Variants in PRSS12 observed in about 807,000 individuals in gnomAD.
The protein encoded by PRSS12 is neurotrypsin.
A neutral mutation model predicts 104.4 loss-of-function variants in PRSS12; 85 were observed. The observed-to-expected ratio is 0.81, with a 90% CI of 0.68 to 0.98. The LOEUF is 0.98. Among genes scored for constraint, PRSS12 ranks in the 50% least tolerant of loss-of-function variants. The probability of loss-of-function intolerance (pLI) is 0.00; values close to 1 mark genes in which losing one functional copy is unlikely to be tolerated. For missense variants in PRSS12, 1,141 were observed against 1,139.2 expected (o/e 1.00, Z -0.02); for synonymous variants, 454 against 425.2 (o/e 1.07, Z -0.83).
At chr4:118,316,548 G>A (rs1723420385) in intron 5 of PRSS12, among the ~76,000 whole-genome samples, 1 of 152,050 alleles carries the variant, frequency 6.6e-6, no homozygotes, top group South Asian at 2.1e-4. Flanking sequence ...CCAGCTGGGT[G>A]TGGTGGCTCA....
rs1460460599 is a variant in PRSS12 at position 118,282,874 on chromosome 4, C to G, written c.2277G>C (p.Gln759His). Residue 759 changes from glutamine to histidine, a missense_variant, in exon 12 of 13, where the codon CAG becomes CAC. Gln to His is a conservative substitution (Grantham distance 24, BLOSUM62 0). Transcript: ENST00000296498. ...ACLPLWRERP[Q>H]KTASNCYITG... ...TTATGTAACAGTTGGATGCTGTTTT[C>G]TGTGGCCTCTCTCTCCAGAGTGGTA... 2 of 1,614,076 alleles carry G rather than the reference C, an allele frequency of 1.2e-6. No individual in the cohort carries two copies. The highest frequency in any genetic ancestry group is 1.7e-6 in the Non-Finnish European group (2 of 1,180,044).
At chr4:118,283,239 T>A in intron 11 of PRSS12, 128 bp from the exon 12 acceptor site, 7 of 1,184,342 alleles carry the variant, frequency 5.9e-6, no homozygotes, top group Non-Finnish European at 7.4e-6. Flanking sequence ...TCAACCTTTC[T>A]TTCCATTTAT....
chr4:118,303,118 AAGTATGTTTC>A (rs1257131771), intron 8 of PRSS12, among the ~76,000 whole-genome samples: 1 of 152,146 alleles, frequency 6.6e-6, no homozygotes, highest in Non-Finnish European at 1.5e-5. Context: ...ATTATTAAGA[AAGTATGTTTC>A]AGTATGTTTG....
At chr4:118,285,729 G>A (rs1476134251) in intron 11 of PRSS12, among the ~76,000 whole-genome samples, 1 of 151,852 alleles carries the variant, frequency 6.6e-6, no homozygotes, top group African/African-American at 2.4e-5. Flanking sequence ...TTTTCTATTA[G>A]TTACATTTTG....
Position 118,291,288 on chromosome 4 carries a change from T to C in PRSS12, c.2039+3651A>G, listed in dbSNP as rs79415729. 7.1e-3 allele frequency among the ~76,000 whole-genome samples: 1,078 copies of C among 152,164 alleles called. 17 individuals are homozygous for C. The highest frequency in any genetic ancestry group is 0.024 in the African/African-American group (989 of 41,512). On this transcript the variant is annotated intron_variant, in intron 11 of 12. Transcript: ENST00000296498. ...TATTCTAGGTAATAATTGCCATCCC[T>C]CAAACATAGCTTTTGCTTTCTCACC...
At chr4:118,304,866 C>G (rs927408299) in intron 8 of PRSS12, among the ~76,000 whole-genome samples, 7 of 151,854 alleles carry the variant, frequency 4.6e-5, no homozygotes, top group Non-Finnish European at 7.4e-5. Flanking sequence ...TATGAAAAGG[C>G]TTTCTAATAC....
Position 118,352,270 on chromosome 4 carries a change from A to G in PRSS12, c.451T>C (p.Tyr151His), listed in dbSNP as rs1724527273. The G allele has an allele frequency of 1.9e-6, 3 of 1,611,084 alleles. No individual in the cohort carries two copies. Among genetic ancestry groups the G allele is most frequent in the Non-Finnish European group, 2.5e-6 (3 of 1,179,510 alleles). Reference sequence around the variant, plus strand: ...TCCACCTTGCCACGGGCGTCTCCGTAGAAACACCAGGGTCTGCCCGCGCCG... The same window carrying G: ...TCCACCTTGCCACGGGCGTCTCCGTGGAAACACCAGGGTCTGCCCGCGCCG... ...PDGAGRPWCFYGDARGKVDWG... is the reference protein window; with the variant it reads ...PDGAGRPWCFHGDARGKVDWG... The change falls in exon 1 of 13, where the codon TAC (tyrosine) becomes CAC (histidine). Residue 151 changes from tyrosine (Y) to histidine (H), a missense_variant. Coordinates refer to ENST00000296498, the MANE Select transcript of PRSS12 (RefSeq NM_003619.4).
Position 118,352,301 on chromosome 4 carries a change from G to A in PRSS12, c.420C>T (p.Ser140=), listed in dbSNP as rs1477728258. The change falls in exon 1 of 13, where the codon AGC becomes AGT. Residue 140 remains serine, a synonymous_variant. Transcript: ENST00000296498. ...LRGQRHNFCR[S]PDGAGRPWCF... The stretch of plus-strand genomic sequence containing the variant: ...ACCAGGGTCTGCCCGCGCCGTCGGG[G>A]CTCCGACAAAAGTTGTGGCGCTGTC... 2.5e-6 allele frequency: 4 copies of A among 1,602,304 alleles called. No individual in the cohort carries two copies. Among genetic ancestry groups the A allele is most frequent in the Non-Finnish European group, 3.4e-6 (4 of 1,176,702 alleles).
Position 118,318,546 on chromosome 4 carries a change from T to C in PRSS12, c.982A>G (p.Lys328Glu), listed in dbSNP as rs774029093. Residue 328 changes from lysine to glutamate, a missense_variant, in exon 5 of 13, where the codon AAA becomes GAA. Physicochemically the swap from Lys to Glu is moderately conservative, Grantham distance 56. Coordinates refer to ENST00000296498, the MANE Select transcript of PRSS12 (RefSeq NM_003619.4). ...CCAAAATATGCCTGATGCCATGCTT[T>C]GGCAATGCCACTGAACAAATAAAAG... The part of the protein sequence containing the change: ...CRQLGLSGIA[K>E]AWHQAYFGEG... The C allele has an allele frequency of 6.2e-6, 10 of 1,614,024 alleles. No individual in the cohort carries two copies. Among genetic ancestry groups the C allele is most frequent in the Middle Eastern group, 1.6e-4 (1 of 6,062 alleles).
chr4:118,306,273 G>A (rs548709659), intron 8 of PRSS12, among the ~76,000 whole-genome samples: 1 of 152,300 alleles, frequency 6.6e-6, no homozygotes, highest in Non-Finnish European at 1.5e-5. Flanking sequence ...ATTCTAACAT[G>A]AGGCTAAATT....
intron 2 of PRSS12, among the ~76,000 whole-genome samples, chr4:118,337,677 A>G (rs962087749): frequency 4.6e-5 from 7 of 152,160 alleles, no homozygotes; most frequent in Non-Finnish European, 8.8e-5. Flanking sequence ...GCACAGGTAA[A>G]CATTGCCCCT....
At chr4:118,296,936 C>T (rs1396729431) in intron 9 of PRSS12, among the ~76,000 whole-genome samples, 1 of 151,750 alleles carries the variant, frequency 6.6e-6, no homozygotes, top group Non-Finnish European at 1.5e-5. Flanking sequence ...GTATATGATG[C>T]CAAGAAAAGG....
intron 1 of PRSS12, among the ~76,000 whole-genome samples, chr4:118,341,723 T>G (rs1204202360): frequency 6.6e-6 from 1 of 152,066 alleles, no homozygotes; most frequent in East Asian, 1.9e-4. Context: ...AAACTATAAC[T>G]TATTTCCTTC....
At chr4:118,351,644 A>G (rs1284925173) in intron 1 of PRSS12, among the ~76,000 whole-genome samples, 2 of 152,090 alleles carry the variant, frequency 1.3e-5, no homozygotes, top group African/African-American at 4.8e-5. Context: ...TACTTACCAT[A>G]CTGAGCTGGA....
At chr4:118,323,256 G>A (rs1364489182) in intron 4 of PRSS12, among the ~76,000 whole-genome samples, 1 of 152,046 alleles carries the variant, frequency 6.6e-6, no homozygotes, top group African/African-American at 2.4e-5. Context: ...TCTAGAGAAA[G>A]GCAGATTAAC....
intron 8 of PRSS12, among the ~76,000 whole-genome samples, chr4:118,307,154 TCTAATGTAGACTCTCC>T (rs1321610893): frequency 6.6e-6 from 1 of 152,116 alleles, no homozygotes; most frequent in African/African-American, 2.4e-5. Context: ...CACTTTCACA[TCTAATGTAGACTCTCC>T]CTACTTTACT....
At chr4:118,309,212 T>C (rs940863890) in intron 7 of PRSS12, among the ~76,000 whole-genome samples, 6 of 152,188 alleles carry the variant, frequency 3.9e-5, no homozygotes, top group Admixed American at 3.3e-4. Flanking sequence ...GAAACTGAAC[T>C]CTAGCAAATT....
At chr4:118,299,281 A>G (rs1466574855) in intron 8 of PRSS12, among the ~76,000 whole-genome samples, 2 of 152,228 alleles carry the variant, frequency 1.3e-5, no homozygotes, top group Non-Finnish European at 2.9e-5. Context: ...TAAAGAGTAC[A>G]ATACTCTCTT....
chr4:118,283,738 CAA>C (rs1041842439), intron 11 of PRSS12, among the ~76,000 whole-genome samples: 16 of 152,190 alleles, frequency 1.1e-4, no homozygotes, highest in African/African-American at 3.1e-4. Context: ...CTCCCATCAT[CAA>C]ACACTCCCAA....
Sources: allele counts gnomAD v4.1 joint callset (sites outside exome capture counted in the v4.1 genomes callset), GRCh38; gene constraint gnomAD v4.1.1; transcripts MANE v1.5; gene names NCBI Gene and HGNC (gene_info 2026-07-23, HGNC 2026-07-21).